Variants in NDST4 observed in about 807,000 individuals in gnomAD.
NDST4 encodes N-deacetylase and N-sulfotransferase 4.
NDST4 carries 63 observed loss-of-function variants against 100.8 expected under a neutral mutation model. That is an observed-to-expected ratio of 0.62 (90% CI 0.51 to 0.77). The LOEUF is 0.77. NDST4 is among the 30% of genes least tolerant of loss of function. The pLI is 0.00. For synonymous variants in NDST4, 377 were observed against 361.8 expected, an observed-to-expected ratio of 1.04 and a Z score of -0.48; for missense variants, 943 against 1,018.4, an observed-to-expected ratio of 0.93 and a Z score of 1.01.
In NDST4 at chr4:114,965,024, A is replaced by AT. The variant is rs576168459; in HGVS notation, c.1221+5405dup. ...TGTGGATCCACTCTTGAGTGTAAAG[A>AT]TTTTTTTATTTGTTATTGAACCTCC... On this transcript the variant is annotated intron_variant, in intron 4 of 13. Transcript: ENST00000264363. 3.2e-3 allele frequency among the ~76,000 whole-genome samples: 480 copies of AT among 152,044 alleles called. 3 individuals carry two copies. Among genetic ancestry groups the AT allele is most frequent in the Non-Finnish European group, 3.9e-3 (266 of 67,932 alleles).
At chr4:115,037,090 C>A (rs1450057105) in intron 2 of NDST4, among the ~76,000 whole-genome samples, 1 of 151,864 alleles carries the variant, frequency 6.6e-6, no homozygotes, top group Non-Finnish European at 1.5e-5. Flanking sequence ...AAAAGAGGAA[C>A]AGGATTTTAT....
intron 1 of NDST4, among the ~76,000 whole-genome samples, chr4:115,098,238 G>T (rs1729659469): frequency 6.6e-6 from 1 of 152,116 alleles, no homozygotes; most frequent in Non-Finnish European, 1.5e-5. Flanking sequence ...GATTGAAAAG[G>T]TAGGTAGGTA....
At chr4:114,922,231 A>G (rs988671719) in intron 6 of NDST4, among the ~76,000 whole-genome samples, 5 of 152,212 alleles carry the variant, frequency 3.3e-5, no homozygotes, top group Non-Finnish European at 5.9e-5. Context: ...TGAAGCGAGC[A>G]GGCTCAAGCA....
At position 115,076,318 on chromosome 4, in the gene NDST4, G is replaced by T. The variant is rs1196007237; in HGVS notation, c.719C>A (p.Thr240Lys). ...YQPVLLTELQ[T>K]EKSLSSLSSK... Reference sequence around the variant, plus strand: ...AGACAAGGATGACAGGGATTTTTCTGTCTGTAACTCAGTTAAAAGTACAGG... The same window carrying T: ...AGACAAGGATGACAGGGATTTTTCTTTCTGTAACTCAGTTAAAAGTACAGG... The change falls in exon 2 of 14, where the codon ACA becomes AAA. Residue 240 changes from threonine to lysine, a missense_variant. Transcript: ENST00000264363. 3.7e-6 allele frequency: 6 copies of T among 1,613,972 alleles called. No homozygotes were observed. The highest frequency in any genetic ancestry group is 5.1e-6 in the Non-Finnish European group (6 of 1,179,932).
intron 6 of NDST4, among the ~76,000 whole-genome samples, chr4:114,876,276 T>G (rs1724252523): frequency 6.6e-6 from 1 of 152,200 alleles, no homozygotes; most frequent in Admixed American, 6.6e-5. Context: ...AATAGTTCAT[T>G]GTGTTTAAAA....
intron 6 of NDST4, among the ~76,000 whole-genome samples, chr4:114,885,895 C>G (rs535165653): frequency 1.3e-5 from 2 of 152,108 alleles, no homozygotes; most frequent in African/African-American, 4.8e-5. Context: ...GCAGGAACCA[C>G]AAACTCAGTT....
At chr4:114,933,193 C>T (rs986041574) in intron 6 of NDST4, among the ~76,000 whole-genome samples, 2 of 151,942 alleles carry the variant, frequency 1.3e-5, no homozygotes, top group African/African-American at 4.8e-5. Context: ...CTGATTTTTG[C>T]CAGAGGTTGC....
At chr4:115,075,228 T>C (rs1026602775) in intron 2 of NDST4, among the ~76,000 whole-genome samples, 6 of 152,204 alleles carry the variant, frequency 3.9e-5, no homozygotes, top group Non-Finnish European at 8.8e-5. Flanking sequence ...GATTTGTTTT[T>C]GCTAATATCT....
Position 114,829,875 on chromosome 4 carries a change from C to G in NDST4, c.2414G>C (p.Gly805Ala), listed in dbSNP as rs1723157889. Residue 805 changes from glycine to alanine, a missense_variant, in exon 13 of 14, where the codon GGT becomes GCT. This residue lies in a region of NDST4 where 526 missense variants were observed against 634.1 expected (regional missense o/e 0.83). Coordinates refer to ENST00000264363, the MANE Select transcript of NDST4 (RefSeq NM_022569.3). ...SEALTFDPQK[G>A]FWCQLLEGGK... ...TCCTTCCAGTAATTGACACCAAAAA[C>G]CCTTTTGGGGATCAAACCTACAGTA... The G allele has an allele frequency of 6.2e-7, 1 of 1,610,072 alleles. No individual in the cohort carries two copies. Among genetic ancestry groups the G allele is most frequent in the Non-Finnish European group, 8.5e-7 (1 of 1,178,964 alleles).
intron 4 of NDST4, among the ~76,000 whole-genome samples, chr4:114,942,008 T>G (rs1353024485): frequency 6.6e-6 from 1 of 152,196 alleles, no homozygotes; most frequent in Non-Finnish European, 1.5e-5. Context: ...GGTAAAACAC[T>G]GCTCAATACT....
At chr4:114,869,038 T>C (rs1487062760) in intron 7 of NDST4, among the ~76,000 whole-genome samples, 1 of 151,058 alleles carries the variant, frequency 6.6e-6, no homozygotes, top group Non-Finnish European at 1.5e-5. Flanking sequence ...AATTTCCATT[T>C]ATACCCCTAA....
chr4:115,028,117 A>G (rs1404259712), intron 2 of NDST4, among the ~76,000 whole-genome samples: 1 of 152,072 alleles, frequency 6.6e-6, no homozygotes, highest in Non-Finnish European at 1.5e-5. Context: ...GATTCCTATG[A>G]ATGTACTTGT....
chr4:114,947,908 G>A (rs1367771790), intron 4 of NDST4, among the ~76,000 whole-genome samples: 2 of 151,950 alleles, frequency 1.3e-5, no homozygotes, highest in African/African-American at 4.8e-5. Context: ...GGGATAGCCG[G>A]GGATGCCTGT....
intron 1 of NDST4, among the ~76,000 whole-genome samples, chr4:115,085,896 G>A (rs924226019): frequency 6.6e-6 from 1 of 152,132 alleles, no homozygotes; most frequent in African/African-American, 2.4e-5. Context: ...TAGAAATATT[G>A]TCATACTTCA....
chr4:115,083,450 A>G (rs184504840), intron 1 of NDST4, among the ~76,000 whole-genome samples: 9 of 152,274 alleles, frequency 5.9e-5, no homozygotes, highest in African/African-American at 2.2e-4. Context: ...ACAGAGGGAT[A>G]CCCTGTCTGG....
intron 6 of NDST4, among the ~76,000 whole-genome samples, chr4:114,907,706 G>A (rs1724981492): frequency 6.6e-6 from 1 of 151,890 alleles, no homozygotes; most frequent in South Asian, 2.1e-4. Flanking sequence ...TAGGGGAGAG[G>A]TAACTACCTC....
At chr4:114,910,529 GAAT>G (rs1233401126) in intron 6 of NDST4, among the ~76,000 whole-genome samples, 2 of 152,076 alleles carry the variant, frequency 1.3e-5, no homozygotes, top group Admixed American at 6.5e-5. Flanking sequence ...AGCAGTGTCT[GAAT>G]AATATTTCTA....
chr4:115,018,657 G>C lies in NDST4; in HGVS notation c.979-41383C>G, dbSNP rs183203407. ...TGGGCAGAGTTTTACATGACTACCA[G>C]GAACCATATTTAAGCTGCATATGTG... On this transcript the variant is annotated intron_variant, in intron 2 of 13. Transcript: ENST00000264363. Among the ~76,000 whole-genome samples, 933 of 151,896 alleles carry C rather than the reference G, an allele frequency of 6.1e-3. 8 individuals carry two copies. Among genetic ancestry groups the C allele is most frequent in the African/African-American group, 0.021 (872 of 41,480 alleles).
At chr4:114,981,538 G>A (rs1292707004) in intron 2 of NDST4, among the ~76,000 whole-genome samples, 1 of 152,096 alleles carries the variant, frequency 6.6e-6, no homozygotes, top group African/African-American at 2.4e-5. Context: ...TCACCAGCAT[G>A]CTTGTAAAGT....
Sources: allele counts gnomAD v4.1 joint callset (sites outside exome capture counted in the v4.1 genomes callset), GRCh38; gene constraint gnomAD v4.1.1; regional missense constraint gnomAD v4.1.1; transcripts MANE v1.5; gene names NCBI Gene and HGNC (gene_info 2026-07-23, HGNC 2026-07-21).